Variants in PTPRM observed in about 807,000 individuals in gnomAD.
PTPRM encodes receptor-type tyrosine-protein phosphatase mu.
In PTPRM, 47 loss-of-function variants were observed where a neutral mutation model predicts 186.7. The ratio of observed to expected loss-of-function variants is 0.25; its 90% CI spans 0.20 to 0.32. The LOEUF is 0.32. Among genes scored for constraint, PTPRM ranks in the 10% least tolerant of loss-of-function variants. The pLI, the probability that PTPRM is intolerant of heterozygous loss-of-function variation, is 1.00. For missense variants in PTPRM, 1,494 were observed against 1,865.0 expected (o/e 0.80, Z 3.66); for synonymous variants, 668 against 674.9 (o/e 0.99, Z 0.16).
intron 1 of PTPRM, among the ~76,000 whole-genome samples, chr18:7,752,776 G>C (rs182809213): frequency 6.6e-5 from 10 of 152,092 alleles, no homozygotes; most frequent in Admixed American, 1.3e-4. Context: ...ACATAGACTC[G>C]TGTGTCATAG....
intron 1 of PTPRM, among the ~76,000 whole-genome samples, chr18:7,614,071 A>G (rs1378001088): frequency 1.3e-5 from 2 of 152,214 alleles, no homozygotes; most frequent in African/African-American, 2.4e-5. Context: ...ACAGATAGGA[A>G]AAATACTTTT....
intron 13 of PTPRM, among the ~76,000 whole-genome samples, chr18:8,127,374 C>T (rs2092394572): frequency 6.7e-6 from 1 of 149,250 alleles, no homozygotes; most frequent in Non-Finnish European, 1.5e-5. Context: ...CAGCCTGCCA[C>T]TCAGTGCTTG....
At chr18:7,744,892 G>C (rs1054366757) in intron 1 of PTPRM, among the ~76,000 whole-genome samples, 6 of 152,122 alleles carry the variant, frequency 3.9e-5, no homozygotes, top group African/African-American at 1.4e-4. Flanking sequence ...CCATCCAGGG[G>C]ATCAGAGTCT....
At position 7,572,512 on chromosome 18, in the gene PTPRM, G is replaced by A. The variant is rs139044625; in HGVS notation, c.73+4621G>A. Reference sequence around the variant, plus strand: ...AGGCTGTATACAGTAGAGGAACTATGTATTAGATTAAATATTGTTTTCTTT... The same window carrying A: ...AGGCTGTATACAGTAGAGGAACTATATATTAGATTAAATATTGTTTTCTTT... On this transcript the variant is annotated intron_variant, in intron 1 of 32. Transcript: ENST00000580170. Among the ~76,000 whole-genome samples the A allele has an allele frequency of 8.9e-3, 1,359 of 152,266 alleles. 7 individuals are homozygous for A. Among genetic ancestry groups the A allele is most frequent in the Middle Eastern group, 0.017 (5 of 292 alleles).
chr18:8,070,552 TACTTTACAAATAAACCATGCATGTC>T (rs957762135), intron 8 of PTPRM, among the ~76,000 whole-genome samples: 22 of 152,202 alleles, frequency 1.4e-4, no homozygotes, highest in Admixed American at 9.8e-4. Flanking sequence ...AATAAACAAC[TACTTTACAAATAAACCATGCATGTC>T]ACCAGTAACG....
At chr18:7,860,262 G>A (rs566169250) in intron 2 of PTPRM, among the ~76,000 whole-genome samples, 14 of 151,958 alleles carry the variant, frequency 9.2e-5, no homozygotes, top group East Asian at 3.9e-4. Flanking sequence ...TAGTAGAGAC[G>A]GGGTTTCACC....
At chr18:7,960,480 T>TATATATATACACAC (rs1300573371) in intron 7 of PTPRM, among the ~76,000 whole-genome samples, 5 of 86,602 alleles carry the variant, frequency 5.8e-5, no homozygotes, top group African/African-American at 2.2e-4. Context: ...TATATATATA[T>TATATATATACACAC]ACACACACAC....
chr18:8,346,740 G>A (rs2095507431), intron 23 of PTPRM, among the ~76,000 whole-genome samples: 1 of 151,070 alleles, frequency 6.6e-6, no homozygotes, highest in Non-Finnish European at 1.5e-5. Context: ...TAAGACTGAA[G>A]AAAAAGACCC....
chr18:8,003,164 G>A (rs1334424683), intron 7 of PTPRM, among the ~76,000 whole-genome samples: 2 of 152,166 alleles, frequency 1.3e-5, no homozygotes, highest in Admixed American at 1.3e-4. Context: ...GCGGGGCCAG[G>A]TGGAGATAAT....
intron 2 of PTPRM, among the ~76,000 whole-genome samples, chr18:7,780,257 T>C (rs2145063860): frequency 6.6e-6 from 1 of 152,310 alleles, no homozygotes; most frequent in East Asian, 1.9e-4. Context: ...GCCTGGTAGA[T>C]TGGGTGGCAT....
intron 1 of PTPRM, among the ~76,000 whole-genome samples, chr18:7,713,476 A>C (rs922271998): frequency 1.3e-5 from 2 of 152,108 alleles, no homozygotes; most frequent in African/African-American, 4.8e-5. Flanking sequence ...GGGCAAAATA[A>C]CACAGCTAGC....
At chr18:8,271,777 T>G in intron 19 of PTPRM, among the ~76,000 whole-genome samples, 1 of 152,308 alleles carries the variant, frequency 6.6e-6, no homozygotes, top group East Asian at 1.9e-4. Context: ...ATACATTTCT[T>G]AATATATTCT....
chr18:7,876,007 G>T (rs775021790), intron 2 of PTPRM, among the ~76,000 whole-genome samples: 7 of 152,128 alleles, frequency 4.6e-5, no homozygotes, highest in Admixed American at 1.3e-4. Context: ...AAGTATTTGT[G>T]TGTCTAAACA....
At chr18:8,337,627 T>C (rs574476322) in intron 22 of PTPRM, among the ~76,000 whole-genome samples, 3 of 152,286 alleles carry the variant, frequency 2.0e-5, no homozygotes, top group Non-Finnish European at 4.4e-5. Flanking sequence ...GCAGCACAAC[T>C]CACTTTAAAC....
chr18:7,886,940 G>A (rs2048818036), intron 2 of PTPRM, among the ~76,000 whole-genome samples: 1 of 152,180 alleles, frequency 6.6e-6, no homozygotes, highest in African/African-American at 2.4e-5. Flanking sequence ...ATCACAGCAT[G>A]TAAACAAGAC....
intron 7 of PTPRM, among the ~76,000 whole-genome samples, chr18:7,996,198 A>G (rs1185610820): frequency 6.6e-6 from 1 of 152,006 alleles, no homozygotes; most frequent in Non-Finnish European, 1.5e-5. Flanking sequence ...AAAAAAATAA[A>G]TAAACACCAT....
intron 1 of PTPRM, among the ~76,000 whole-genome samples, chr18:7,725,205 A>T (rs150086399): frequency 5.9e-5 from 9 of 152,290 alleles, no homozygotes; most frequent in African/African-American, 2.2e-4. Context: ...CCCTACTGAA[A>T]TTGTACAGAG....
intron 11 of PTPRM, among the ~76,000 whole-genome samples, chr18:8,095,979 T>C (rs559607604): frequency 1.3e-5 from 2 of 152,312 alleles, no homozygotes; most frequent in East Asian, 3.9e-4. Flanking sequence ...GTCTCTTGTT[T>C]GGAAGAACCT....
intron 14 of PTPRM, among the ~76,000 whole-genome samples, chr18:8,205,215 A>G (rs1248253237): frequency 6.6e-6 from 1 of 152,244 alleles, no homozygotes; most frequent in Non-Finnish European, 1.5e-5. Flanking sequence ...CTCAGTATGC[A>G]AAGAAACAGT....
Sources: gnomAD v4.1 joint callset for allele counts (sites outside exome capture counted in the v4.1 genomes callset) on GRCh38, gnomAD v4.1.1 for gene constraint, MANE v1.5 for transcripts, NCBI Gene and HGNC (gene_info 2026-07-23, HGNC 2026-07-21) for gene names.